Variants in POLD3 observed in about 807,000 individuals in gnomAD.
POLD3 encodes the protein DNA polymerase delta 3, accessory subunit.
A neutral mutation model predicts 58.2 loss-of-function variants in POLD3; 19 were observed. The ratio of observed to expected loss-of-function variants is 0.33; its 90% CI spans 0.23 to 0.48. The LOEUF is 0.48. POLD3 is among the 20% of genes least tolerant of loss of function. POLD3 has a pLI of 0.99. For missense variants in POLD3, 504 were observed against 545.5 expected (o/e 0.92, Z 0.76); for synonymous variants, 172 against 193.5 (o/e 0.89, Z 0.92).
Position 74,634,587 on chromosome 11 carries a change from T to A in POLD3, c.1011T>A (p.Phe337Leu). 6.3e-7 allele frequency: 1 copy of A among 1,579,466 alleles called. No homozygotes were observed. Among genetic ancestry groups the A allele is most frequent in the Admixed American group, 1.7e-5 (1 of 59,970 alleles). The change falls in exon 10 of 12, where the codon TTT becomes TTA. Residue 337 changes from phenylalanine to leucine, a missense_variant. By Grantham distance (22) the Phe-to-Leu change is conservative (BLOSUM62 0). Coordinates refer to ENST00000263681, the MANE Select transcript of POLD3 (RefSeq NM_006591.3). ...AAGTCCGTTTCATTATTTCAGTCTTTCCAGACTCTCCTGGGGCTTATGAAG... is the reference window on the plus strand; with the variant it reads ...AAGTCCGTTTCATTATTTCAGTCTTACCAGACTCTCCTGGGGCTTATGAAG... ...PESDSSEDEV[F>L]PDSPGAYEAE...
At chr11:74,629,571 TTTTTC>T (rs1040565812) in intron 9 of POLD3, among the ~76,000 whole-genome samples, 13 of 149,210 alleles carry the variant, frequency 8.7e-5, no homozygotes, top group South Asian at 2.1e-4. Flanking sequence ...TATCTAAGAC[TTTTTC>T]TTTTCTTTTC....
chr11:74,663,977 A>G (rs2033235527), intron 4 of POLD3, among the ~76,000 whole-genome samples: 1 of 152,212 alleles, frequency 6.6e-6, no homozygotes, highest in Non-Finnish European at 1.5e-5. Context: ...AATGGGCAAA[A>G]AATAAGAACC....
chr11:74,668,889 A>G, exon 5 of POLD3: 1 of 851,366 alleles, frequency 1.2e-6, no homozygotes, highest in Non-Finnish European at 1.7e-6. Flanking sequence ...CCTCGGAAGC[A>G]CAGATTTAGG....
At chr11:74,643,729 G>A (rs1565131306), downstream of POLD3, among the ~76,000 whole-genome samples, 1 of 152,190 alleles carries the variant, frequency 6.6e-6, no homozygotes, top group Non-Finnish European at 1.5e-5. Context: ...TTGATTTGTA[G>A]ATAATGGGAG....
Position 74,652,069 on chromosome 11 carries a change from C to A in POLD3, c.369+15794C>A, listed in dbSNP as rs78481347. Among the ~76,000 whole-genome samples the A allele has an allele frequency of 4.6e-4, 70 of 152,282 alleles. No individual in the cohort carries two copies. In the East Asian group the frequency reaches 0.013, roughly 27 times the overall value. On this transcript the variant is annotated intron_variant, in intron 4 of 4. Coordinates refer to the POLD3 transcript ENST00000524752. ...AGAACTTGATCTCTAAAATTTTAGT[C>A]TACTTTTCTCAATACTATATCACAT... is the stretch of plus-strand genomic sequence containing the variant.
intron 5 of POLD3, 75 bp from the exon 6 acceptor site, chr11:74,618,458 GTTTT>G: frequency 1.1e-6 from 1 of 920,266 alleles, no homozygotes; most frequent in Non-Finnish European, 1.6e-6. Context: ...ACTGACATTA[GTTTT>G]TTTTTTCTTT....
At chr11:74,592,763 TG>T (rs1375297617) in intron 1 of POLD3, 45 bp downstream of exon 1, 7 of 1,609,828 alleles carry the variant, frequency 4.3e-6, no homozygotes, top group African/African-American at 2.7e-5. Context: ...ACCGGGGTCC[TG>T]GGCCCGGCTA....
chr11:74,595,351 A>C (rs1463854983), intron 2 of POLD3: 2 of 152,108 alleles, frequency 1.3e-5, no homozygotes, highest in Non-Finnish European at 2.9e-5. Context: ...GGTATCTCAT[A>C]AATTATGTTG....
intron 4 of POLD3, among the ~76,000 whole-genome samples, chr11:74,666,137 A>AT (rs1453282290): frequency 3.9e-5 from 6 of 152,226 alleles, no homozygotes; most frequent in African/African-American, 1.4e-4. Context: ...TTAGAAAACA[A>AT]TTGCATTTAC....
intron 4 of POLD3, among the ~76,000 whole-genome samples, chr11:74,662,070 C>T (rs2033212738): frequency 6.6e-6 from 1 of 152,116 alleles, no homozygotes; most frequent in African/African-American, 2.4e-5. Context: ...CTGGGACTCG[C>T]CCTTCAGAGC....
At chr11:74,597,330 T>G (rs541381953) in intron 2 of POLD3, among the ~76,000 whole-genome samples, 13 of 152,272 alleles carry the variant, frequency 8.5e-5, no homozygotes, top group Non-Finnish European at 1.6e-4. Flanking sequence ...TATGAAGATT[T>G]ACTCCTGTGC....
At chr11:74,610,191 G>T (rs1478787281) in intron 3 of POLD3, among the ~76,000 whole-genome samples, 2 of 149,298 alleles carry the variant, frequency 1.3e-5, no homozygotes, top group Non-Finnish European at 3.0e-5. Context: ...TGAACTGTCT[G>T]TTCCTACCAC....
intron 2 of POLD3, among the ~76,000 whole-genome samples, chr11:74,598,512 T>C (rs1450391157): frequency 6.6e-6 from 1 of 152,172 alleles, no homozygotes; most frequent in Non-Finnish European, 1.5e-5. Flanking sequence ...ATTCTTTTGC[T>C]TTGGAATTTG....
At chr11:74,631,776 C>A (rs2032600058) in intron 9 of POLD3, among the ~76,000 whole-genome samples, 1 of 152,086 alleles carries the variant, frequency 6.6e-6, no homozygotes, top group Non-Finnish European at 1.5e-5. Context: ...GCCACTGCGC[C>A]CGTCCTGTTT....
chr11:74,618,907 T>C, intron 6 of POLD3, 103 bp downstream of exon 6: 1 of 970,350 alleles, frequency 1.0e-6, no homozygotes, highest in Non-Finnish European at 1.5e-6. Flanking sequence ...AAGATTCTGA[T>C]ATTCAGTTCT....
chr11:74,603,500 C>A (rs1008499628), intron 2 of POLD3, among the ~76,000 whole-genome samples: 2 of 152,074 alleles, frequency 1.3e-5, no homozygotes, highest in Admixed American at 6.6e-5. Flanking sequence ...CCTGGGTTTG[C>A]CCAGGATGGT....
At chr11:74,644,107 G>A (rs907386980), downstream of POLD3, among the ~76,000 whole-genome samples, 4 of 152,194 alleles carry the variant, frequency 2.6e-5, no homozygotes, top group South Asian at 2.1e-4. Context: ...GCTGGTAAAC[G>A]AGTGAAACAG....
chr11:74,641,302 G>A lies in POLD3; in HGVS notation c.*536G>A, dbSNP rs1198472742. Reference sequence around the variant, plus strand: ...TTAAGTTTTGGTTGGACTAAAGGCTGAAGTGAAAATCTCCCTGTAATCCTC... The same window carrying A: ...TTAAGTTTTGGTTGGACTAAAGGCTAAAGTGAAAATCTCCCTGTAATCCTC... On this transcript the variant is annotated 3_prime_UTR_variant, in exon 12 of 12. Coordinates refer to ENST00000263681, the MANE Select transcript of POLD3 (RefSeq NM_006591.3). 2.0e-5 allele frequency: 20 copies of A among 985,328 alleles called. No homozygotes were observed. The highest frequency in any genetic ancestry group is 1.4e-4 in the South Asian group (3 of 21,282). 61.0% of individuals were successfully genotyped at this position (985,328 alleles called of 1,614,324 possible).
intron 7 of POLD3, among the ~76,000 whole-genome samples, chr11:74,623,918 C>T (rs2032346049): frequency 6.6e-6 from 1 of 152,172 alleles, no homozygotes; most frequent in South Asian, 2.1e-4. Flanking sequence ...TCTCAAAATT[C>T]TGTGAAACCA....
Sources: allele counts gnomAD v4.1 joint callset (sites outside exome capture counted in the v4.1 genomes callset), GRCh38; gene constraint gnomAD v4.1.1; transcripts MANE v1.5; gene names NCBI Gene and HGNC (gene_info 2026-07-23, HGNC 2026-07-21).